VDR: variants seen among roughly 807,000 people sequenced by gnomAD.
The protein encoded by VDR is vitamin D3 receptor.
Under a neutral mutation model 39.7 loss-of-function variants are expected in VDR, and 19 were observed. The observed-to-expected ratio is 0.48, with a 90% CI of 0.33 to 0.70. The LOEUF (loss-of-function observed/expected upper bound fraction) is 0.70. Among genes scored for constraint, VDR ranks in the 30% least tolerant of loss-of-function variants. VDR has a pLI of 0.02. For missense variants in VDR, 442 were observed against 570.5 expected (o/e 0.77, Z 2.29); for synonymous variants, 242 against 215.8 (o/e 1.12, Z -1.07).
At chr12:47,892,649 GT>G (rs1946391731) in intron 1 of VDR, among the ~76,000 whole-genome samples, 1 of 152,138 alleles carries the variant, frequency 6.6e-6, no homozygotes, top group Admixed American at 6.5e-5. Flanking sequence ...TGTACTGGAA[GT>G]GAGAGACACA....
intron 4 of VDR, among the ~76,000 whole-genome samples, chr12:47,864,589 C>T (rs935751206): frequency 7.9e-5 from 12 of 152,228 alleles, no homozygotes; most frequent in Non-Finnish European, 1.2e-4. Context: ...CTCCCCATCA[C>T]TCCTGCCCTT....
chr12:47,904,603 C>A (rs376588667), intron 1 of VDR: 16 of 1,535,946 alleles, frequency 1.0e-5, no homozygotes, highest in Middle Eastern at 1.7e-4. Context: ...GACAGCCAAT[C>A]GCTCCTTTTC....
At chr12:47,856,616 T>A (rs1945493514) in intron 6 of VDR, among the ~76,000 whole-genome samples, 1 of 39,262 alleles carries the variant, frequency 2.5e-5, no homozygotes, top group African/African-American at 8.3e-5. Context: ...ACATATGTGT[T>A]TTTTTTAAAA....
intron 1 of VDR, among the ~76,000 whole-genome samples, chr12:47,895,852 T>G (rs1397799667): frequency 6.6e-6 from 1 of 152,242 alleles, no homozygotes; most frequent in Non-Finnish European, 1.5e-5. Context: ...GGAAGCCTGC[T>G]GGGCCGAGAG....
At chr12:47,896,232 T>C (rs186354015) in intron 1 of VDR, among the ~76,000 whole-genome samples, 11 of 152,342 alleles carry the variant, frequency 7.2e-5, no homozygotes, top group African/African-American at 2.6e-4. Context: ...TAGTGCTTAT[T>C]ATTGCGCACA....
At position 47,844,479 on chromosome 12, in the gene VDR, C is replaced by A; in HGVS notation, c.*267G>T. On this transcript the variant is annotated 3_prime_UTR_variant, in exon 10 of 10. Coordinates refer to ENST00000549336, the MANE Select transcript of VDR (RefSeq NM_000376.3). Reference sequence around the variant, plus strand: ...TCTCTGGGCAAGGCCCTGCCTCCAGCCTCTGCCCTCTGCCCCCACTTGGGT... The same window carrying A: ...TCTCTGGGCAAGGCCCTGCCTCCAGACTCTGCCCTCTGCCCCCACTTGGGT... 1 of 585,602 alleles carries A rather than the reference C, an allele frequency of 1.7e-6. No homozygotes were observed. Among genetic ancestry groups the A allele is most frequent in the Non-Finnish European group, 3.0e-6 (1 of 328,042 alleles). 36.3% of individuals were successfully genotyped at this position (585,602 alleles called of 1,614,324 possible). A position where few individuals can be genotyped will look rare whatever the true frequency, so the allele number is the denominator to read the frequency against.
rs2137118750 is a variant in VDR, at chr12:47,844,863, G to A, written c.1167C>T (p.Asp389=). The change falls in exon 10 of 10, where the codon GAC becomes GAT. Residue 389 remains aspartate (D), a synonymous_variant. Transcript: ENST00000549336. ...AGTGCTCCTCATTGAGGCTGCGCAG[G>A]TCGGCTAGCTTCTGGATCATCTTGG... The part of the protein sequence containing the change: ...LYAKMIQKLA[D]LRSLNEEHSK... 6.2e-7 allele frequency: 1 copy of A among 1,614,188 alleles called. No individual in the cohort carries two copies. Among genetic ancestry groups the A allele is most frequent in the East Asian group, 2.2e-5 (1 of 44,884 alleles).
At chr12:47,882,924 T>C (rs1946185532) in intron 1 of VDR, 150 bp from the exon 2 acceptor site, 1 of 596,448 alleles carries the variant, frequency 1.7e-6, no homozygotes, top group Non-Finnish European at 2.8e-6. Flanking sequence ...GGAGCAGGCA[T>C]GCCATGTCAT....
At chr12:47,904,684 T>C in intron 1 of VDR, 1 of 1,513,482 alleles carries the variant, frequency 6.6e-7, no homozygotes, top group South Asian at 1.2e-5. Flanking sequence ...GCCCAAGTGC[T>C]AAGCACTGTG....
At chr12:47,868,886 A>G (rs1240247686) in intron 3 of VDR, among the ~76,000 whole-genome samples, 1 of 151,762 alleles carries the variant, frequency 6.6e-6, no homozygotes, top group Non-Finnish European at 1.5e-5. Flanking sequence ...CTGCAAGGCC[A>G]TGGGCACCAA....
chr12:47,846,376 T>G lies in VDR; in HGVS notation c.983A>C (p.Glu328Ala). 4.4e-6 allele frequency: 7 copies of G among 1,598,392 alleles called. No individual in the cohort carries two copies. Among genetic ancestry groups the G allele is most frequent in the Non-Finnish European group, 6.0e-6 (7 of 1,172,846 alleles). ...VGLKKLNLHE[E>A]EHVLLMAICI... ...GATGGCCATGAGCAGGACATGCTCC[T>G]CCTCATGCAAGTTCAGCTTCTTCAG... is the stretch of plus-strand genomic sequence containing the variant. The change falls in exon 9 of 10, where the codon GAG (glutamate) becomes GCG (alanine). Residue 328 changes from glutamate (E) to alanine (A), a missense_variant. Physicochemically the swap from Glu to Ala is moderately radical, Grantham distance 107. This residue lies in a region of VDR where 173 missense variants were observed against 252.0 expected (regional missense o/e 0.69). Transcript: ENST00000549336.
intron 9 of VDR, among the ~76,000 whole-genome samples, chr12:47,846,006 T>C (rs1193722537): frequency 6.6e-6 from 1 of 152,176 alleles, no homozygotes; most frequent in Non-Finnish European, 1.5e-5. Context: ...ATAACAGGAA[T>C]GTTGAGCCCA....
At position 47,844,925 on chromosome 12, in the gene VDR, A is replaced by C. The variant is rs759100941; in HGVS notation, c.1105T>G (p.Cys369Gly). ...LSNTLQTYIR[C>G]RHPPPGSHLL... ...TGGCTGCCCGGGGGCGGGTGGCGGC[A>C]GCGGATGTACGTCTGCAGTGTGTTG... The change falls in exon 10 of 10, where the codon TGC becomes GGC. Residue 369 changes from cysteine to glycine, a missense_variant. Physicochemically the swap from Cys to Gly is radical, Grantham distance 159 (BLOSUM62 -3). Coordinates refer to ENST00000549336, the MANE Select transcript of VDR (RefSeq NM_000376.3). The C allele has an allele frequency of 3.1e-6, 5 of 1,613,998 alleles. No homozygotes were observed. Among genetic ancestry groups the C allele is most frequent in the Non-Finnish European group, 4.2e-6 (5 of 1,179,998 alleles).
chr12:47,846,992 A>C (rs920975621), intron 7 of VDR, among the ~76,000 whole-genome samples, 184 bp from the exon 8 acceptor site: 5 of 152,116 alleles, frequency 3.3e-5, no homozygotes, highest in African/African-American at 4.8e-5. Context: ...ACAGTTCAAC[A>C]CTGTGATCAT....
intron 1 of VDR, among the ~76,000 whole-genome samples, chr12:47,890,964 A>T (rs1946358639): frequency 6.6e-6 from 1 of 152,186 alleles, no homozygotes; most frequent in Admixed American, 6.5e-5. Context: ...TTGCTCAGGC[A>T]AACCTCTTTG....
At chr12:47,865,212 T>C (rs1305017932) in intron 3 of VDR, 35 bp from the exon 4 acceptor site, 2 of 1,605,460 alleles carry the variant, frequency 1.2e-6, no homozygotes, top group Non-Finnish European at 1.7e-6. Flanking sequence ...CCTGGGTCAC[T>C]GAACTTCCGG....
intron 1 of VDR, among the ~76,000 whole-genome samples, chr12:47,899,595 A>T (rs1174859547): frequency 6.6e-6 from 1 of 152,176 alleles, no homozygotes; most frequent in Non-Finnish European, 1.5e-5. Context: ...GCACTACCTA[A>T]AATTTTAGTC....
At chr12:47,878,708 G>A (rs1444941541) in intron 3 of VDR, 1 of 588,550 alleles carries the variant, frequency 1.7e-6, no homozygotes, top group East Asian at 3.9e-5. Flanking sequence ...GTGGGTTACA[G>A]GCGTAATGGA....
rs771702332 is a variant in VDR at position 47,857,232 on chromosome 12, A to C, written c.480T>G (p.Asn160Lys). Residue 160 changes from asparagine to lysine, a missense_variant, in exon 6 of 10, where the codon AAT (asparagine) becomes AAG (lysine). Asn to Lys is a moderately conservative substitution (Grantham distance 94). Transcript: ENST00000549336. ...TGGAAGGATGGCTCCCTCCACCATCATTCACACGAACTGGAGGCTGGAAGG... is the reference window on the plus strand; with the variant it reads ...TGGAAGGATGGCTCCCTCCACCATCCTTCACACGAACTGGAGGCTGGAAGG... ...FCQFRPPVRVNDGGGSHPSRP... is the reference protein window; with the variant it reads ...FCQFRPPVRVKDGGGSHPSRP... The C allele has an allele frequency of 1.2e-6, 2 of 1,614,138 alleles. No homozygotes were observed. The highest frequency in any genetic ancestry group is 1.7e-6 in the Non-Finnish European group (2 of 1,180,020).
Sources: allele counts gnomAD v4.1 joint callset (sites outside exome capture counted in the v4.1 genomes callset), GRCh38; gene constraint gnomAD v4.1.1; regional missense constraint gnomAD v4.1.1; transcripts MANE v1.5; gene names NCBI Gene and HGNC (gene_info 2026-07-23, HGNC 2026-07-21).